Variants in KHNYN observed in about 807,000 individuals in gnomAD.
KHNYN encodes KH and NYN domain containing.
Under a neutral mutation model 62.7 loss-of-function variants are expected in KHNYN, and 42 were observed. That is an observed-to-expected ratio of 0.67 (90% CI 0.52 to 0.87). KHNYN has a LOEUF of 0.87. KHNYN is among the 40% of genes least tolerant of loss of function. The pLI, the probability that KHNYN is intolerant of heterozygous loss-of-function variation, is 0.00. For missense variants in KHNYN, 829 were observed against 874.1 expected, an observed-to-expected ratio of 0.95 and a Z score of 0.65; for synonymous variants, 347 against 345.6, an observed-to-expected ratio of 1.00 and a Z score of -0.04.
rs2043091602 is a variant in KHNYN at position 24,430,738 on chromosome 14, C to G, written c.8C>G (p.Thr3Ser). 2 of 1,563,722 alleles carry G rather than the reference C, an allele frequency of 1.3e-6. No individual in the cohort carries two copies. The highest frequency in any genetic ancestry group is 2.3e-5 in the South Asian group (2 of 85,232). Residue 3 changes from threonine (T) to serine (S), a missense_variant, in exon 2 of 8, where the codon ACC becomes AGC. Coordinates refer to ENST00000553935, the MANE Select transcript of KHNYN (RefSeq NM_015299.3). ...GGGCTGGGGGCAGCAGCCATGCCTA[C>G]CTGGGGGGCCCGCCCCGCGTCCCCA... MP[T>S]WGARPASPDR... is the part of the protein sequence containing the mutation.
rs189986412 is a variant in KHNYN at position 24,435,902 on chromosome 14, T to C, written c.1578-170T>C. 689 of 622,334 alleles carry C rather than the reference T, an allele frequency of 1.1e-3. 4 individuals carry two copies. The highest frequency in any genetic ancestry group is 1.4e-4 in the Non-Finnish European group (48 of 353,292). 38.6% of individuals were successfully genotyped at this position (622,334 alleles called of 1,614,324 possible). The stretch of plus-strand genomic sequence containing the variant: ...AGAGTCCCAAATGGTTGCTGTGGTT[T>C]TTACTTTTATTTTTGTAGATTTGGG... On this transcript the variant is annotated intron_variant, in intron 5 of 7. Coordinates refer to ENST00000553935, the MANE Select transcript of KHNYN (RefSeq NM_015299.3).
chr14:24,428,132 C>A, upstream of KHNYN: 2 of 1,314,458 alleles, frequency 1.5e-6, no homozygotes, highest in Non-Finnish European at 2.1e-6. Context: ...CTCTGCACAT[C>A]CTCCACACTC....
At chr14:24,428,000 C>A, upstream of KHNYN, 5 of 1,609,208 alleles carry the variant, frequency 3.1e-6, no homozygotes, top group South Asian at 1.1e-5. This position sits in a 1 kb window ranked among gnomAD's most constrained non-coding sequence, Gnocchi z 4.4. Context: ...GGGAGGGGAG[C>A]CCAGTTAGCC....
upstream of KHNYN, chr14:24,427,425 G>A (rs981099521): frequency 3.0e-5 from 7 of 232,124 alleles, no homozygotes; most frequent in Non-Finnish European, 5.1e-5. This position sits in a 1 kb window ranked among gnomAD's most constrained non-coding sequence, Gnocchi z 4.4. Context: ...GCTCACCTGC[G>A]CCACCTGTCC....
upstream of KHNYN, chr14:24,427,168 C>T (rs1310874159): frequency 6.5e-6 from 1 of 153,402 alleles, no homozygotes; most frequent in Non-Finnish European, 1.4e-5. The surrounding 1 kb of genome is among the most constrained non-coding windows in gnomAD (Gnocchi z 4.4). Flanking sequence ...GGCTGCTCTG[C>T]TATACATGCA....
rs1422400134 is a variant in KHNYN, at chr14:24,440,785, G to A, written c.*3500G>A. On this transcript the variant is annotated 3_prime_UTR_variant, in exon 8 of 8. Coordinates refer to ENST00000553935, the MANE Select transcript of KHNYN (RefSeq NM_015299.3). ...TGATACCCAGGCCCGTTTCTCACCT[G>A]AGCGCACCACCACCTGGCGTGTAGA... 2 of 1,613,696 alleles carry A rather than the reference G, an allele frequency of 1.2e-6. No individual in the cohort carries two copies. The highest frequency in any genetic ancestry group is 1.3e-5 in the African/African-American group (1 of 74,864).
chr14:24,429,705 A>C (rs908077846), upstream of KHNYN: 1 of 985,286 alleles, frequency 1.0e-6, no homozygotes, highest in African/African-American at 1.7e-5. Flanking sequence ...TATTCGCGGG[A>C]AACAACTTTC....
chr14:24,431,312 G>A, intron 2 of KHNYN, 151 bp from the exon 3 acceptor site: 2 of 653,162 alleles, frequency 3.1e-6, no homozygotes, highest in East Asian at 2.8e-5. Context: ...CCAGCTTTGT[G>A]ATGGGAGTCT....
Position 24,436,135 on chromosome 14 carries a change from C to G in KHNYN, c.1641C>G (p.Asp547Glu). 1 of 1,614,114 alleles carries G rather than the reference C, an allele frequency of 6.2e-7. No homozygotes were observed. Among genetic ancestry groups the G allele is most frequent in the Non-Finnish European group, 8.5e-7 (1 of 1,180,008 alleles). ...GIIVSNDQFR[D>E]LAEESEKWMA... ...TTGTCTCCAATGACCAGTTCCGGGA[C>G]CTGGCGGAGGAGTCTGAGAAGTGGA... is the stretch of plus-strand genomic sequence containing the variant. Residue 547 changes from aspartate (D) to glutamate (E), a missense_variant, in exon 6 of 8, where the codon GAC (aspartate) becomes GAG (glutamate). Coordinates refer to ENST00000553935, the MANE Select transcript of KHNYN (RefSeq NM_015299.3).
chr14:24,430,167 G>A (rs934962986), intron 1 of KHNYN, 48 bp downstream of exon 1: 1 of 981,968 alleles, frequency 1.0e-6, no homozygotes, highest in East Asian at 1.1e-4. Context: ...CGGGGGCCGC[G>A]GTGCGGAGTA....
upstream of KHNYN, chr14:24,428,887 T>C: frequency 1.3e-6 from 2 of 1,596,502 alleles, no homozygotes; most frequent in Non-Finnish European, 1.7e-6. Context: ...CGGGCCCCCC[T>C]GCAGCAGCTC....
Position 24,430,783 on chromosome 14 carries a change from C to A in KHNYN, c.53C>A (p.Ala18Glu). The A allele has an allele frequency of 6.2e-7, 1 of 1,601,878 alleles. No homozygotes were observed. The highest frequency in any genetic ancestry group is 2.3e-5 in the East Asian group (1 of 44,148). The change falls in exon 2 of 8, where the codon GCG becomes GAG. Residue 18 changes from alanine to glutamate, a missense_variant. Around this residue, in one of 2 missense-constraint regions of KHNYN, gnomAD observed 559 missense variants for 527.0 expected, o/e 1.06. Coordinates refer to ENST00000553935, the MANE Select transcript of KHNYN (RefSeq NM_015299.3). ...PASPDRFAVS[A>E]EAENKVREQQ... ...TCCCCAGATCGCTTTGCGGTGTCTGCGGAGGCTGAGAACAAGGTTCGGGAA... is the reference window on the plus strand; with the variant it reads ...TCCCCAGATCGCTTTGCGGTGTCTGAGGAGGCTGAGAACAAGGTTCGGGAA...
rs374578512 is a variant in KHNYN, at chr14:24,441,822, A to T, written c.*4537A>T. 3.8e-6 allele frequency: 6 copies of T among 1,599,028 alleles called. No individual in the cohort carries two copies. Among genetic ancestry groups the T allele is most frequent in the African/African-American group, 1.3e-5 (1 of 74,366 alleles). On this transcript the variant is annotated 3_prime_UTR_variant, in exon 8 of 8. Transcript: ENST00000553935. ...TGCAGGAGAAACATGGGAAATAAAAAGCCACTAAATACATAAGTGCACATA... is the reference window on the plus strand; with the variant it reads ...TGCAGGAGAAACATGGGAAATAAAATGCCACTAAATACATAAGTGCACATA...
At chr14:24,430,356 C>G in intron 1 of KHNYN, 1 of 865,006 alleles carries the variant, frequency 1.2e-6, no homozygotes, top group Non-Finnish European at 1.4e-6. Context: ...CAGCCTAGTT[C>G]AATCCCCTGC....
chr14:24,428,653 T>C, upstream of KHNYN: 1 of 1,344,376 alleles, frequency 7.4e-7, no homozygotes, highest in Non-Finnish European at 1.0e-6. Context: ...TGTAGGAAGC[T>C]GTTTTCTTAA....
chr14:24,428,662 A>G (rs1028077955), upstream of KHNYN: 22 of 1,404,760 alleles, frequency 1.6e-5, no homozygotes, highest in Non-Finnish European at 2.1e-5. Flanking sequence ...CTGTTTTCTT[A>G]AAGCCTCAGA....
chr14:24,431,025 G>C (rs3825588), intron 2 of KHNYN, 94 bp downstream of exon 2: 152,640 of 1,215,862 alleles, frequency 0.13, 10,144 homozygotes, highest in Non-Finnish European at 0.13. Context: ...GGAAGAGGAG[G>C]GGCCTGGGGA....
chr14:24,441,278 T>A lies in KHNYN; in HGVS notation c.*3993T>A. On this transcript the variant is annotated 3_prime_UTR_variant, in exon 8 of 8. Transcript: ENST00000553935. ...AATTTTCACATCTTTAAAATGGGAA[T>A]AATAGTACCTACCTCATAGGGTTGT... The A allele has an allele frequency of 2.2e-6, 1 of 450,644 alleles. No homozygotes were observed. Among genetic ancestry groups the A allele is most frequent in the Non-Finnish European group, 4.0e-6 (1 of 247,178 alleles). The allele number at this position is 450,644 out of a possible 1,614,324, so 27.9% of individuals were successfully genotyped here. A position where few individuals can be genotyped will look rare whatever the true frequency, so the allele number is the denominator to read the frequency against.
chr14:24,430,595 C>G, intron 1 of KHNYN, 119 bp from the exon 2 acceptor site: 8 of 1,457,300 alleles, frequency 5.5e-6, no homozygotes, highest in Non-Finnish European at 7.3e-6. Context: ...TTGTCACCTC[C>G]TGGGGCTGTT....
Sources: gnomAD v4.1 joint callset for allele counts on GRCh38, gnomAD v4.1.1 for gene constraint, gnomAD v4.1.1 regional missense constraint, Gnocchi (gnomAD v3.1) non-coding constraint, MANE v1.5 for transcripts, NCBI Gene and HGNC (gene_info 2026-07-23, HGNC 2026-07-21) for gene names.